Variants in ATIC observed in about 807,000 individuals in gnomAD.
ATIC encodes the protein bifunctional purine biosynthesis protein ATIC.
Under a neutral mutation model 72.5 loss-of-function variants are expected in ATIC, and 64 were observed. The observed-to-expected ratio is 0.88, with a 90% CI of 0.72 to 1.09. ATIC has a LOEUF of 1.09. Ranked by LOEUF, ATIC falls within the 50% of genes least tolerant of loss-of-function variation. The pLI, the probability that ATIC is intolerant of heterozygous loss-of-function variation, is 0.00. For synonymous variants in ATIC, 281 were observed against 267.1 expected (o/e 1.05, Z -0.51); for missense variants, 787 against 732.4 (o/e 1.07, Z -0.86).
At chr2:215,312,228 G>A in intron 1 of ATIC, 67 bp downstream of exon 1, 1 of 1,449,664 alleles carries the variant, frequency 6.9e-7, no homozygotes, top group Non-Finnish European at 9.0e-7. Flanking sequence ...CCGCCTTGGC[G>A]GCGGCCGGCG....
chr2:215,331,585 T>C (rs1166117732), intron 7 of ATIC, among the ~76,000 whole-genome samples: 2 of 152,216 alleles, frequency 1.3e-5, no homozygotes, highest in South Asian at 2.1e-4. Context: ...GGTTTCACCA[T>C]GTTGACCAGG....
rs79239006 is a variant in ATIC at position 215,349,306 on chromosome 2, C to G, written c.1659+57C>G. On this transcript the variant is annotated intron_variant, in intron 15 of 15. Transcript: ENST00000236959. ...GTTGAGCATTATGTAGAAACTGTTT[C>G]AGAAATCCTGCTTTTGATTTTTAAA... 9.7e-4 allele frequency: 1,558 copies of G among 1,610,054 alleles called. 14 individuals are homozygous for G. The African/African-American group carries it at 0.018, about 19-fold the overall frequency.
At chr2:215,365,716 G>A in the ATIC span, 1 of 1,299,836 alleles carries the variant, frequency 7.7e-7, no homozygotes, top group South Asian at 1.2e-5. Flanking sequence ...CGTGTCACAG[G>A]GTCTTCAGAA....
intron 7 of ATIC, among the ~76,000 whole-genome samples, chr2:215,331,897 A>G (rs974723326): frequency 1.3e-5 from 2 of 152,012 alleles, no homozygotes; most frequent in African/African-American, 4.8e-5. Flanking sequence ...AAAACACATT[A>G]TTTCTTCTCT....
At position 215,312,171 on chromosome 2, in the gene ATIC, T is replaced by C. The variant is rs2052658756; in HGVS notation, c.19+10T>C. 1 of 1,507,278 alleles carries C rather than the reference T, an allele frequency of 6.6e-7. No individual in the cohort carries two copies. The highest frequency in any genetic ancestry group is 1.2e-5 in the South Asian group (1 of 80,672). 93.4% of individuals were successfully genotyped at this position (1,507,278 alleles called of 1,614,324 possible). A position where few individuals can be genotyped will look rare whatever the true frequency, so the allele number is the denominator to read the frequency against. ...GCTCCCGGCCAGCTCGGTGAGGCCC[T>C]AGCGGAGCGGCGCGGTCTGCGTCCT... is the stretch of plus-strand genomic sequence containing the variant. On this transcript the variant is annotated intron_variant, in intron 1 of 15. Coordinates refer to ENST00000236959, the MANE Select transcript of ATIC (RefSeq NM_004044.7).
At chr2:215,365,434 T>G in the ATIC span, 191 of 1,493,862 alleles carry the variant, frequency 1.3e-4, no homozygotes, top group Non-Finnish European at 1.6e-4. Context: ...TTTCTGTGAA[T>G]GAGAGTTACA....
intron 2 of ATIC, among the ~76,000 whole-genome samples, chr2:215,316,872 C>T (rs373450878): frequency 2.3e-3 from 352 of 152,316 alleles, no homozygotes; most frequent in South Asian, 6.8e-3. Flanking sequence ...AAGCGATTCT[C>T]CTGCCTCAGC....
At chr2:215,351,305 C>A (rs1174895501), downstream of ATIC, among the ~76,000 whole-genome samples, 1 of 152,208 alleles carries the variant, frequency 6.6e-6, no homozygotes, top group Non-Finnish European at 1.5e-5. Context: ...TCTTGAATTC[C>A]TGACCCACAG....
chr2:215,338,730 T>A (rs1200718812), intron 11 of ATIC, 49 bp from the exon 12 acceptor site: 27 of 1,581,694 alleles, frequency 1.7e-5, no homozygotes, highest in Non-Finnish European at 2.3e-5. Context: ...AATGAAAAAT[T>A]TGAGGGAAGT....
chr2:215,361,721 C>T, the ATIC span: 3 of 1,057,210 alleles, frequency 2.8e-6, no homozygotes, highest in South Asian at 3.8e-5. Flanking sequence ...ATGACAGCTG[C>T]TTATAGATAG....
Position 215,346,831 on chromosome 2 carries a change from T to G in ATIC, c.1393T>G (p.Trp465Gly). The change falls in exon 14 of 16, where the codon TGG becomes GGG. Residue 465 changes from tryptophan (W) to glycine (G), a missense_variant. Coordinates refer to ENST00000236959, the MANE Select transcript of ATIC (RefSeq NM_004044.7). ...CCTTGCAGGAGATAAGGCAAACTAT[T>G]GGTGGCTTAGACACCATCCACAAGT... ...TRLAGDKANY[W>G]WLRHHPQVLS... The G allele has an allele frequency of 1.2e-6, 2 of 1,614,208 alleles. No homozygotes were observed. Among genetic ancestry groups the G allele is most frequent in the Non-Finnish European group, 1.7e-6 (2 of 1,180,030 alleles).
chr2:215,320,968 C>G (rs764272406), intron 4 of ATIC, among the ~76,000 whole-genome samples: 1 of 152,116 alleles, frequency 6.6e-6, no homozygotes, highest in Non-Finnish European at 1.5e-5. Flanking sequence ...TAAGGGATCT[C>G]CCCCGTGACC....
At chr2:215,361,343 AATGTGCAGCCCTCATTT>A in the ATIC span, 1 of 597,968 alleles carries the variant, frequency 1.7e-6, no homozygotes, top group Non-Finnish European at 3.0e-6. Flanking sequence ...CAGAACAGGC[AATGTGCAGCCCTCATTT>A]ATGAGAAAAC....
intron 2 of ATIC, among the ~76,000 whole-genome samples, chr2:215,313,439 C>T (rs11685089): frequency 0.14 from 20,594 of 152,042 alleles, 1,783 homozygotes; most frequent in East Asian, 0.27. Context: ...AACCAGGATG[C>T]CATTGCTGAT....
At chr2:215,355,037 C>G in the ATIC span, among the ~76,000 whole-genome samples, 3 of 152,084 alleles carry the variant, frequency 2.0e-5, no homozygotes, top group African/African-American at 7.2e-5. Flanking sequence ...CAGCTCCTTT[C>G]TCATTTTACT....
At chr2:215,344,552 A>G (rs1360513569) in intron 12 of ATIC, among the ~76,000 whole-genome samples, 1 of 151,958 alleles carries the variant, frequency 6.6e-6, no homozygotes, top group Admixed American at 6.6e-5. Flanking sequence ...TTAGCCAGGC[A>G]TGGTGGTGCA....
chr2:215,355,881 G>C, the ATIC span, among the ~76,000 whole-genome samples: 1 of 152,216 alleles, frequency 6.6e-6, no homozygotes, highest in Non-Finnish European at 1.5e-5. Context: ...TTGCCAGTCA[G>C]TAGGTGGGCA....
the ATIC span, among the ~76,000 whole-genome samples, chr2:215,364,170 T>A: frequency 6.6e-6 from 1 of 152,218 alleles, no homozygotes; most frequent in East Asian, 1.9e-4. Context: ...TTCAACTATA[T>A]CATTAAGAGC....
At chr2:215,344,898 G>A in intron 13 of ATIC, 27 bp downstream of exon 13, 8 of 1,595,516 alleles carry the variant, frequency 5.0e-6, no homozygotes, top group East Asian at 2.2e-5. Flanking sequence ...ACTCGCCTTC[G>A]GGGGACTGTT....
Sources: gnomAD v4.1 joint callset for allele counts (sites outside exome capture counted in the v4.1 genomes callset) on GRCh38, gnomAD v4.1.1 for gene constraint, MANE v1.5 for transcripts, NCBI Gene and HGNC (gene_info 2026-07-23, HGNC 2026-07-21) for gene names.